The following SLC35H1 variants were observed in gnomAD, a reference collection of about 807,000 sequenced individuals.
The protein encoded by SLC35H1 is ovarian cancer-overexpressed gene 1 protein.
chr20:46,353,093 T>A, the SLC35H1 span: 2 of 152,222 alleles, frequency 1.3e-5, no homozygotes, highest in African/African-American at 4.8e-5. Flanking sequence ...CAAAATTCTA[T>A]CCCTACAAAC....
the SLC35H1 span, chr20:46,363,095 T>C: frequency 6.6e-6 from 1 of 152,280 alleles, no homozygotes; most frequent in Non-Finnish European, 1.5e-5. Flanking sequence ...CCTTACACAA[T>C]GGATCACTTC....
At chr20:46,348,096 A>T in the SLC35H1 span, 1 of 145,668 alleles carries the variant, frequency 6.9e-6, no homozygotes, top group Admixed American at 6.8e-5. Flanking sequence ...ATGGCTGCAG[A>T]CAGCATGGGT....
the SLC35H1 span, chr20:46,355,152 G>A: frequency 1.6e-5 from 26 of 1,614,010 alleles, 1 homozygote; most frequent in South Asian, 1.9e-4. This position sits in a 1 kb window ranked among gnomAD's most constrained non-coding sequence, Gnocchi z 4.8. Context: ...GCACCAAGGC[G>A]AAGCCCTCCA....
the SLC35H1 span, among the ~76,000 whole-genome samples, chr20:46,359,683 C>T: frequency 6.6e-6 from 1 of 152,190 alleles, no homozygotes; most frequent in African/African-American, 2.4e-5. Flanking sequence ...CGGAGCATGC[C>T]GGGTAGACCT....
the SLC35H1 span, chr20:46,355,405 C>A: frequency 4.0e-6 from 3 of 744,120 alleles, no homozygotes; most frequent in African/African-American, 1.8e-5. This position sits in a 1 kb window ranked among gnomAD's most constrained non-coding sequence, Gnocchi z 4.8. Flanking sequence ...CCTTGCCCAC[C>A]AATGTCAGCA....
At chr20:46,356,012 A>G in the SLC35H1 span, 1 of 1,255,490 alleles carries the variant, frequency 8.0e-7, no homozygotes, top group African/African-American at 1.5e-5. Flanking sequence ...AGCGACCTTT[A>G]ATCAGAAGGA....
At chr20:46,361,811 C>T in the SLC35H1 span, among the ~76,000 whole-genome samples, 2 of 152,252 alleles carry the variant, frequency 1.3e-5, no homozygotes, top group Non-Finnish European at 2.9e-5. Context: ...CATGCTGGCA[C>T]TAACAGAGCT....
At chr20:46,355,313 T>TG in the SLC35H1 span, 3 of 1,504,702 alleles carry the variant, frequency 2.0e-6, no homozygotes, top group Non-Finnish European at 2.7e-6. This position sits in a 1 kb window ranked among gnomAD's most constrained non-coding sequence, Gnocchi z 4.8. Flanking sequence ...ATTTGGAGCC[T>TG]GGGGTCAGCA....
chr20:46,358,315 A>G, the SLC35H1 span: 1 of 1,379,546 alleles, frequency 7.2e-7, no homozygotes, highest in Non-Finnish European at 1.0e-6. Context: ...CCTGTTAAAC[A>G]TGAAGGGCAC....
chr20:46,351,249 G>A, the SLC35H1 span, among the ~76,000 whole-genome samples: 1 of 152,254 alleles, frequency 6.6e-6, no homozygotes, highest in Admixed American at 6.5e-5. Context: ...GCCTATGTGT[G>A]AGAATGCTGT....
At chr20:46,355,765 G>C in the SLC35H1 span, 1 of 1,613,470 alleles carries the variant, frequency 6.2e-7, no homozygotes, top group Non-Finnish European at 8.5e-7. The surrounding 1 kb of genome is among the most constrained non-coding windows in gnomAD (Gnocchi z 4.8). Context: ...TAGCATCTGT[G>C]GGGGCAGGAA....
chr20:46,351,113 G>T, the SLC35H1 span, among the ~76,000 whole-genome samples: 10 of 152,252 alleles, frequency 6.6e-5, no homozygotes, highest in Admixed American at 6.5e-5. Flanking sequence ...GCTTGTCATG[G>T]AATTCTGTCA....
chr20:46,353,455 T>C, the SLC35H1 span, among the ~76,000 whole-genome samples: 1 of 152,172 alleles, frequency 6.6e-6, no homozygotes, highest in Non-Finnish European at 1.5e-5. Flanking sequence ...GGCCCAGAAC[T>C]GGGCACAAGA....
At chr20:46,355,070 C>T in the SLC35H1 span, 3 of 1,614,040 alleles carry the variant, frequency 1.9e-6, no homozygotes, top group Non-Finnish European at 2.5e-6. This position sits in a 1 kb window ranked among gnomAD's most constrained non-coding sequence, Gnocchi z 4.8. Context: ...GGCACGTGCT[C>T]ACCGAGTTCA....
chr20:46,357,829 C>G, the SLC35H1 span: 4 of 1,595,508 alleles, frequency 2.5e-6, no homozygotes, highest in African/African-American at 2.7e-5. Context: ...TGCCCCCCAC[C>G]GGCTCCCTCT....
At chr20:46,347,124 T>C in the SLC35H1 span, 4 of 152,216 alleles carry the variant, frequency 2.6e-5, no homozygotes, top group African/African-American at 7.2e-5. Context: ...GGTGTATGTA[T>C]TATTATTCCT....
chr20:46,361,245 C>G, the SLC35H1 span, among the ~76,000 whole-genome samples: 132 of 152,326 alleles, frequency 8.7e-4, no homozygotes, highest in African/African-American at 3.1e-3. Context: ...CCACTACTCT[C>G]CTAGTTGCTC....
chr20:46,355,322 C>G, the SLC35H1 span: 3 of 1,480,514 alleles, frequency 2.0e-6, no homozygotes, highest in African/African-American at 2.8e-5. The surrounding 1 kb of genome is among the most constrained non-coding windows in gnomAD (Gnocchi z 4.8). Flanking sequence ...CTGGGGTCAG[C>G]AGCCATCTTG....
the SLC35H1 span, chr20:46,358,642 C>T: frequency 6.4e-7 from 1 of 1,556,712 alleles, no homozygotes; most frequent in Non-Finnish European, 8.7e-7. Flanking sequence ...GAGCTCTCTG[C>T]AGCTCCATGA....
Sources: gnomAD v4.1 joint callset for allele counts (sites outside exome capture counted in the v4.1 genomes callset) on GRCh38, gnomAD v4.1.1 for gene constraint, Gnocchi (gnomAD v3.1) non-coding constraint, MANE v1.5 for transcripts, NCBI Gene and HGNC (gene_info 2026-07-23, HGNC 2026-07-21) for gene names.